The following CNR1 variants were observed in gnomAD, a reference collection of about 807,000 sequenced individuals.
CNR1 encodes the protein cannabinoid receptor 1.
A neutral mutation model predicts 23.0 loss-of-function variants in CNR1; 10 were observed. The observed-to-expected ratio is 0.43, with a 90% CI of 0.27 to 0.74. The LOEUF (loss-of-function observed/expected upper bound fraction) is 0.74, where lower values mean the gene tolerates loss of function less well. CNR1 is among the 30% of genes least tolerant of loss of function. The probability of loss-of-function intolerance (pLI) is 0.19; values close to 1 mark genes in which losing one functional copy is unlikely to be tolerated. For synonymous variants in CNR1, 271 were observed against 255.2 expected (o/e 1.06, Z -0.59); for missense variants, 422 against 618.8 (o/e 0.68, Z 3.37).
At chr6:88,148,548 T>C (rs761535971) in intron 1 of CNR1, among the ~76,000 whole-genome samples, 11 of 151,684 alleles carry the variant, frequency 7.3e-5, no homozygotes, top group Non-Finnish European at 1.3e-4. Context: ...CTCCCAATGC[T>C]GATTAAAAAA....
intron 1 of CNR1, among the ~76,000 whole-genome samples, chr6:88,156,967 A>C (rs1339639845): frequency 6.6e-6 from 1 of 152,222 alleles, no homozygotes. Context: ...TTTCAGTATC[A>C]CATAGAAATT....
chr6:88,158,931 C>A (rs1307196868), intron 1 of CNR1, among the ~76,000 whole-genome samples: 2 of 152,114 alleles, frequency 1.3e-5, no homozygotes, highest in African/African-American at 4.8e-5. Flanking sequence ...GAGAACCTCT[C>A]CAGTTTTTTT....
At position 88,143,847 on chromosome 6, in the gene CNR1, G is replaced by C; in HGVS notation, c.*9C>G. 1 of 1,604,484 alleles carries C rather than the reference G, an allele frequency of 6.2e-7. No individual in the cohort carries two copies. The highest frequency in any genetic ancestry group is 2.2e-5 in the East Asian group (1 of 44,708). ...ATTCTTTTCCTGTGCTGCCAGGGAG[G>C]CATCAGGCTCACAGAGCCTCGGCAG... is the stretch of plus-strand genomic sequence containing the variant. On this transcript the variant is annotated 3_prime_UTR_variant, in exon 2 of 2. Coordinates refer to ENST00000369501, the MANE Select transcript of CNR1 (RefSeq NM_016083.6).
upstream of CNR1, among the ~76,000 whole-genome samples, chr6:88,166,716 A>G (rs1156401288): frequency 6.6e-6 from 1 of 152,048 alleles, no homozygotes; most frequent in African/African-American, 2.4e-5. Context: ...CCTCGGGGCC[A>G]TTAATCACAC....
intron 1 of CNR1, among the ~76,000 whole-genome samples, chr6:88,160,081 A>C (rs867732417): frequency 6.6e-6 from 1 of 152,058 alleles, no homozygotes; most frequent in Non-Finnish European, 1.5e-5. Flanking sequence ...TAATCCCAGC[A>C]CTTTGGGAGG....
rs1428673035 is a variant in CNR1, at chr6:88,166,094, G to C, written c.-355C>G. ...GTGGGGTGGAGTGGGGTGTGCCTCCGGCGGGCGGTCAGCAAGTCAGTCCGT... is the reference window on the plus strand; with the variant it reads ...GTGGGGTGGAGTGGGGTGTGCCTCCCGCGGGCGGTCAGCAAGTCAGTCCGT... On this transcript the variant is annotated 5_prime_UTR_variant, in exon 1 of 2. Transcript: ENST00000369501. 2 of 152,262 alleles carry C rather than the reference G, an allele frequency of 1.3e-5. No homozygotes were observed. The highest frequency in any genetic ancestry group is 1.5e-5 in the Non-Finnish European group (1 of 68,130). 9.4% of individuals were successfully genotyped at this position (152,262 alleles called of 1,614,324 possible). A position where few individuals can be genotyped will look rare whatever the true frequency, so the allele number is the denominator to read the frequency against.
intron 1 of CNR1, among the ~76,000 whole-genome samples, chr6:88,164,023 T>C (rs962272443): frequency 3.9e-5 from 6 of 152,238 alleles, no homozygotes; most frequent in Non-Finnish European, 8.8e-5. Context: ...TAATAATCAC[T>C]TATGGCTTAT....
In CNR1 at chr6:88,145,332, G is replaced by A. The variant is rs908453397; in HGVS notation, c.-58C>T. The A allele has an allele frequency of 5.0e-6, 7 of 1,391,692 alleles. No homozygotes were observed. The highest frequency in any genetic ancestry group is 1.3e-5 in the South Asian group (1 of 75,538). The allele number at this position is 1,391,692 out of a possible 1,614,324, so 86.2% of individuals were successfully genotyped here. A position where few individuals can be genotyped will look rare whatever the true frequency, so the allele number is the denominator to read the frequency against. ...TGACTGAGAAAGTGACCCACAGGGGGCAATCCTAAGAGGAGGGAAAACAAA... is the reference window on the plus strand; with the variant it reads ...TGACTGAGAAAGTGACCCACAGGGGACAATCCTAAGAGGAGGGAAAACAAA... On this transcript the variant is annotated 5_prime_UTR_variant, in exon 2 of 2. Coordinates refer to ENST00000369501, the MANE Select transcript of CNR1 (RefSeq NM_016083.6).
At chr6:88,147,766 G>A (rs150019715) in intron 1 of CNR1, 6 of 152,362 alleles carry the variant, frequency 3.9e-5, no homozygotes, top group African/African-American at 1.4e-4. Context: ...CTTCATAAAC[G>A]TATGCTGATT....
At chr6:88,163,358 T>C (rs1370717856) in intron 1 of CNR1, among the ~76,000 whole-genome samples, 1 of 152,252 alleles carries the variant, frequency 6.6e-6, no homozygotes, top group Non-Finnish European at 1.5e-5. Flanking sequence ...AATCCCTTAT[T>C]TGGCCAACTG....
At chr6:88,149,329 ATCTG>A (rs1416367035) in intron 1 of CNR1, among the ~76,000 whole-genome samples, 3 of 152,052 alleles carry the variant, frequency 2.0e-5, no homozygotes, top group African/African-American at 4.8e-5. Flanking sequence ...TTCCCTGTTC[ATCTG>A]TCTGTCTGTC....
chr6:88,145,367 T>C (rs939845623), intron 1 of CNR1, 30 bp from the exon 2 acceptor site: 7 of 1,007,058 alleles, frequency 7.0e-6, no homozygotes, highest in East Asian at 2.4e-5. Flanking sequence ...ATAAGCCGAA[T>C]GGTGAGAAAC....
At chr6:88,149,832 C>T (rs806378) in intron 1 of CNR1, among the ~76,000 whole-genome samples, 31,867 of 152,088 alleles carry the variant, frequency 0.21, 3,971 homozygotes, top group Middle Eastern at 0.35. Flanking sequence ...CTCATCACGT[C>T]GTATAATCAG....
upstream of CNR1, chr6:88,166,370 A>G (rs1404567309): frequency 1.3e-5 from 2 of 152,142 alleles, no homozygotes; most frequent in African/African-American, 2.4e-5. Flanking sequence ...CTCCAGTCCC[A>G]TTTATGAAGC....
chr6:88,166,501 C>G (rs1778376252), upstream of CNR1: 1 of 152,588 alleles, frequency 6.6e-6, no homozygotes, highest in East Asian at 1.9e-4. Context: ...CCAAACTTTG[C>G]TTGGGGCGGG....
chr6:88,150,956 G>A (rs1777488852), intron 1 of CNR1, among the ~76,000 whole-genome samples: 1 of 152,154 alleles, frequency 6.6e-6, no homozygotes, highest in African/African-American at 2.4e-5. Context: ...TCCTAACTTG[G>A]ACTTACTATG....
At chr6:88,155,928 G>A (rs991374166) in intron 1 of CNR1, among the ~76,000 whole-genome samples, 3 of 152,144 alleles carry the variant, frequency 2.0e-5, no homozygotes, top group Non-Finnish European at 4.4e-5. Flanking sequence ...AGTGAGACAC[G>A]AATAGGGCAC....
chr6:88,154,304 G>T (rs1248126439), intron 1 of CNR1, among the ~76,000 whole-genome samples: 1 of 152,200 alleles, frequency 6.6e-6, no homozygotes, highest in African/African-American at 2.4e-5. Context: ...ATATGCCAAA[G>T]ATTTCACATT....
At chr6:88,166,706 C>T (rs561269517), upstream of CNR1, among the ~76,000 whole-genome samples, 3 of 152,312 alleles carry the variant, frequency 2.0e-5, no homozygotes, top group East Asian at 5.8e-4. Context: ...CCGCCCACGA[C>T]CTCGGGGCCA....
Sources: allele counts gnomAD v4.1 joint callset (sites outside exome capture counted in the v4.1 genomes callset), GRCh38; gene constraint gnomAD v4.1.1; transcripts MANE v1.5; gene names NCBI Gene and HGNC (gene_info 2026-07-23, HGNC 2026-07-21).